NMBR: variants seen among roughly 807,000 people sequenced by gnomAD.
NMBR encodes neuromedin-B receptor.
NMBR carries 16 observed loss-of-function variants against 20.5 expected under a neutral mutation model. That is an observed-to-expected ratio of 0.78 (90% CI 0.53 to 1.19). The LOEUF is 1.19. Among genes scored for constraint, NMBR ranks in the 50% most tolerant of loss-of-function variants. NMBR has a pLI of 0.00. For synonymous variants in NMBR, 212 were observed against 196.6 expected (o/e 1.08, Z -0.65); for missense variants, 582 against 499.1 (o/e 1.17, Z -1.58).
Position 142,088,237 on chromosome 6 carries a change from C to G in NMBR, c.422G>C (p.Arg141Thr), listed in dbSNP as rs970488055. ...CACTCACAGCTACCTGTGCTCTTAC[C>G]TGTCGGCGCTGAGGGCAGTGAGAGT... Reference protein sequence around the residue: ...VFTLTALSADRYRAIVNPMDM... With the variant: ...VFTLTALSADTYRAIVNPMDM... The change falls in exon 2 of 4, where the codon AGG becomes ACG. Residue 141 changes from arginine to threonine, a missense_variant and splice_region_variant. By Grantham distance (71) the Arg-to-Thr change is moderately conservative. Coordinates refer to ENST00000258042, the MANE Select transcript of NMBR (RefSeq NM_002511.4). 6 of 1,609,444 alleles carry G rather than the reference C, an allele frequency of 3.7e-6. No individual in the cohort carries two copies. Among genetic ancestry groups the G allele is most frequent in the East Asian group, 2.2e-5 (1 of 44,842 alleles).
intron 1 of NMBR, among the ~76,000 whole-genome samples, chr6:142,131,477 T>C (rs1778141457): frequency 1.3e-5 from 2 of 152,146 alleles, no homozygotes; most frequent in Non-Finnish European, 2.9e-5. Flanking sequence ...AGAATCGCCC[T>C]TTTTCTGCTT....
At chr6:142,116,184 T>C (rs1325431891) in intron 1 of NMBR, among the ~76,000 whole-genome samples, 1 of 151,866 alleles carries the variant, frequency 6.6e-6, no homozygotes, top group Non-Finnish European at 1.5e-5. Context: ...CTTTTGTAAA[T>C]TGCCCAGTCT....
chr6:142,115,129 T>C (rs973601894), intron 1 of NMBR, among the ~76,000 whole-genome samples: 2 of 152,096 alleles, frequency 1.3e-5, no homozygotes. Context: ...TTTTCTAATT[T>C]ATGCAAATAC....
At position 142,090,482 on chromosome 6, in the gene NMBR, G is replaced by C. The variant is rs1777303219; in HGVS notation, c.-663-1161C>G. On this transcript the variant is annotated intron_variant, in intron 1 of 3. Transcript: ENST00000258042. ...GTTTTCTAACTCAAAAGTCCTTATT[G>C]TACTCTTCTGGAATTTCACTACTTA... 3.3e-5 allele frequency among the ~76,000 whole-genome samples: 5 copies of C among 150,972 alleles called. No homozygotes were observed. The South Asian group carries it at 1.0e-3, about 32-fold the overall frequency.
chr6:142,111,126 A>C (rs1777755917), intron 1 of NMBR, among the ~76,000 whole-genome samples: 1 of 151,886 alleles, frequency 6.6e-6, no homozygotes, highest in Non-Finnish European at 1.5e-5. Flanking sequence ...TGTATTCCCA[A>C]CTACTCAGGA....
At chr6:142,141,568 G>A (rs1447816624) in intron 1 of NMBR, among the ~76,000 whole-genome samples, 2 of 150,398 alleles carry the variant, frequency 1.3e-5, no homozygotes, top group East Asian at 2.0e-4. Flanking sequence ...GCAGTGTTGC[G>A]ATCACGACTC....
intron 1 of NMBR, among the ~76,000 whole-genome samples, chr6:142,129,548 G>A (rs561898323): frequency 6.6e-6 from 1 of 151,834 alleles, no homozygotes; most frequent in African/African-American, 2.4e-5. Flanking sequence ...AGACTCAAAA[G>A]GAAAATGCAC....
At position 142,075,747 on chromosome 6, in the gene NMBR, T is replaced by C. The variant is rs145529527; in HGVS notation, c.1074A>G (p.Ser358=). ...TTTTCAGAGATGTCATACGCACCGCTGAAGAGCTGAGTAGGTAGCTGGTTC... is the reference window on the plus strand; with the variant it reads ...TTTTCAGAGATGTCATACGCACCGCCGAAGAGCTGAGTAGGTAGCTGGTTC... ...ERGTSYLLSS[S]AVRMTSLKSN... The change falls in exon 4 of 4, where the codon TCA becomes TCG. Residue 358 remains serine, a synonymous_variant. Transcript: ENST00000258042. 3.8e-4 allele frequency: 609 copies of C among 1,613,972 alleles called. 3 individuals are homozygous for C. In the Middle Eastern group the frequency reaches 6.6e-3, roughly 17 times the overall value.
chr6:142,144,400 G>A (rs550310922), intron 1 of NMBR, among the ~76,000 whole-genome samples: 1 of 152,218 alleles, frequency 6.6e-6, no homozygotes, highest in South Asian at 2.1e-4. Context: ...GTGTATGTAG[G>A]GTATGGTGTA....
intron 1 of NMBR, among the ~76,000 whole-genome samples, chr6:142,113,005 CATT>C (rs1404751194): frequency 2.6e-5 from 4 of 151,844 alleles, no homozygotes; most frequent in African/African-American, 9.7e-5. Flanking sequence ...AACCACAAAA[CATT>C]AAAAAATGTA....
At chr6:142,090,712 A>G (rs1221024412) in intron 1 of NMBR, among the ~76,000 whole-genome samples, 1 of 151,620 alleles carries the variant, frequency 6.6e-6, no homozygotes, top group East Asian at 1.9e-4. Flanking sequence ...CTCCAAAGTT[A>G]TTTGTTTTCT....
chr6:142,100,071 T>C (rs1396848320), intron 1 of NMBR, among the ~76,000 whole-genome samples: 1 of 152,164 alleles, frequency 6.6e-6, no homozygotes, highest in Non-Finnish European at 1.5e-5. Flanking sequence ...ACTGCCAACT[T>C]TAAATGCTGA....
At chr6:142,125,759 G>T (rs946868226) in intron 1 of NMBR, among the ~76,000 whole-genome samples, 1 of 151,674 alleles carries the variant, frequency 6.6e-6, no homozygotes, top group South Asian at 2.1e-4. Flanking sequence ...GGTATTTAAG[G>T]TGTACAACTT....
chr6:142,097,030 T>A (rs1777467572), intron 1 of NMBR, among the ~76,000 whole-genome samples: 1 of 152,186 alleles, frequency 6.6e-6, no homozygotes, highest in African/African-American at 2.4e-5. Context: ...GCTTGGTAGA[T>A]CTTCCACCAT....
Position 142,078,899 on chromosome 6 carries a change from T to C in NMBR, c.427A>G (p.Arg143Gly). 1 of 1,581,726 alleles carries C rather than the reference T, an allele frequency of 6.3e-7. No individual in the cohort carries two copies. The highest frequency in any genetic ancestry group is 8.6e-7 in the Non-Finnish European group (1 of 1,162,272). ...ATGTCCATGGGGTTAACGATGGCTC[T>C]GTACCTGGGAAAATGATACATCTCA... The part of the protein sequence containing the change: ...TLTALSADRY[R>G]AIVNPMDMQT... The change falls in exon 3 of 4, where the codon AGA becomes GGA. Residue 143 changes from arginine to glycine, a missense_variant. Coordinates refer to ENST00000258042, the MANE Select transcript of NMBR (RefSeq NM_002511.4).
At chr6:142,098,999 C>A (rs567441730) in intron 1 of NMBR, among the ~76,000 whole-genome samples, 30 of 152,168 alleles carry the variant, frequency 2.0e-4, no homozygotes, top group Non-Finnish European at 3.7e-4. Context: ...CAGAAATGGA[C>A]CCACATAAAT....
intron 1 of NMBR, among the ~76,000 whole-genome samples, chr6:142,092,578 A>C (rs753588437): frequency 1.7e-4 from 26 of 152,228 alleles, no homozygotes; most frequent in Admixed American, 4.6e-4. Context: ...CATATTAAAC[A>C]GTAGTTTTTA....
At chr6:142,112,520 A>G (rs559072473) in intron 1 of NMBR, among the ~76,000 whole-genome samples, 4 of 152,254 alleles carry the variant, frequency 2.6e-5, no homozygotes, top group African/African-American at 7.2e-5. Flanking sequence ...TGGCATCTGC[A>G]CTCCTCAAAT....
chr6:142,133,601 C>G (rs1404279294), intron 1 of NMBR, among the ~76,000 whole-genome samples: 1 of 152,134 alleles, frequency 6.6e-6, no homozygotes, highest in Non-Finnish European at 1.5e-5. Context: ...GAATTCAAAG[C>G]TGTATAAATA....
Sources: gnomAD v4.1 joint callset for allele counts (sites outside exome capture counted in the v4.1 genomes callset) on GRCh38, gnomAD v4.1.1 for gene constraint, MANE v1.5 for transcripts, NCBI Gene and HGNC (gene_info 2026-07-23, HGNC 2026-07-21) for gene names.